The following BNC2 variants were observed in gnomAD, a reference collection of about 807,000 sequenced individuals.
BNC2 encodes zinc finger protein basonuclin-2.
A neutral mutation model predicts 76.3 loss-of-function variants in BNC2; 20 were observed. That is an observed-to-expected ratio of 0.26 (90% confidence interval 0.18 to 0.38). BNC2 has a LOEUF of 0.38. Ranked by LOEUF, BNC2 falls within the 10% of genes least tolerant of loss-of-function variation. The pLI is 1.00. For missense variants in BNC2, 1,382 were observed against 1,399.8 expected, an observed-to-expected ratio of 0.99 and a Z score of 0.20; for synonymous variants, 582 against 514.8, an observed-to-expected ratio of 1.13 and a Z score of -1.77.
At chr9:16,853,056 G>A (rs1819164790) in intron 1 of BNC2, among the ~76,000 whole-genome samples, 1 of 152,170 alleles carries the variant, frequency 6.6e-6, no homozygotes, top group Non-Finnish European at 1.5e-5. Flanking sequence ...ATCAACCTGT[G>A]GATAGTCTTC....
In BNC2 at chr9:16,838,141, T is replaced by C. The variant is rs557051955; in HGVS notation, c.3+32505A>G. ...CTTAAATAAGGCATACATAATGCGA[T>C]ATTTACACTGTACACAAGTTTCAAC... On this transcript the variant is annotated intron_variant, in intron 1 of 6. Coordinates refer to ENST00000380672, the MANE Select transcript of BNC2 (RefSeq NM_017637.6). Among the ~76,000 whole-genome samples, 57 of 152,356 alleles carry C rather than the reference T, an allele frequency of 3.7e-4. No homozygotes were observed. The South Asian group carries it at 0.012, about 32-fold the overall frequency.
intron 1 of BNC2, among the ~76,000 whole-genome samples, chr9:16,777,697 T>C (rs796793687): frequency 8.5e-4 from 83 of 97,198 alleles, no homozygotes; most frequent in African/African-American, 2.5e-3. Context: ...CAAGACTCCA[T>C]CTCAAAAAAA....
chr9:16,489,406 AT>A (rs1385102625), intron 5 of BNC2, among the ~76,000 whole-genome samples: 2 of 152,180 alleles, frequency 1.3e-5, no homozygotes, highest in African/African-American at 4.8e-5. Flanking sequence ...TTTACCTTTC[AT>A]TGAGATAAGA....
intron 3 of BNC2, among the ~76,000 whole-genome samples, chr9:16,662,769 TA>T (rs1286947472): frequency 3.9e-5 from 6 of 152,056 alleles, no homozygotes; most frequent in Admixed American, 6.6e-5. Context: ...ATATCCTACC[TA>T]AAACAGAAAA....
chr9:16,742,788 G>C (rs1824888936), intron 1 of BNC2, among the ~76,000 whole-genome samples: 1 of 152,128 alleles, frequency 6.6e-6, no homozygotes, highest in Non-Finnish European at 1.5e-5. Context: ...CCATAGTTAG[G>C]TAGCCACATA....
chr9:16,416,583 T>C lies in BNC2; in HGVS notation c.*2406A>G, dbSNP rs560258728. 5 of 152,726 alleles carry C rather than the reference T, an allele frequency of 3.3e-5. No individual in the cohort carries two copies. In the East Asian group the frequency reaches 9.6e-4, roughly 29 times the overall value. 9.5% of individuals were successfully genotyped at this position (152,726 alleles called of 1,614,324 possible). A position where few individuals can be genotyped will look rare whatever the true frequency, so the allele number is the denominator to read the frequency against. On this transcript the variant is annotated 3_prime_UTR_variant, in exon 7 of 7. Transcript: ENST00000380672. ...AGAAAACAAAAACGATTATTACTAATTCCTCAGCTTTTTACCATAAACACT... is the reference window on the plus strand; with the variant it reads ...AGAAAACAAAAACGATTATTACTAACTCCTCAGCTTTTTACCATAAACACT...
chr9:16,433,754 G>A (rs1178161857), intron 6 of BNC2, among the ~76,000 whole-genome samples: 1 of 152,116 alleles, frequency 6.6e-6, no homozygotes, highest in Non-Finnish European at 1.5e-5. Context: ...GCTGTGACTT[G>A]CAATATTTTC....
In BNC2 at chr9:16,418,873, GCACACACACACACACA is replaced by G. The variant is rs3223265; in HGVS notation, c.*100_*115del. On this transcript the variant is annotated 3_prime_UTR_variant, in exon 7 of 7. Coordinates refer to ENST00000380672, the MANE Select transcript of BNC2 (RefSeq NM_017637.6). ...ATGTAGCCACAGAGCATACATAAAT[GCACACACACACACACA>G]CACACACACACCCCAAGTACATAAG... 4 of 881,000 alleles carry G rather than the reference GCACACACACACACACA, an allele frequency of 4.5e-6. No individual in the cohort carries two copies. Among genetic ancestry groups the G allele is most frequent in the African/African-American group, 3.6e-5 (2 of 56,194 alleles). 54.6% of individuals were successfully genotyped at this position (881,000 alleles called of 1,614,324 possible).
intron 3 of BNC2, among the ~76,000 whole-genome samples, chr9:16,665,491 AG>A (rs1339417998): frequency 1.4e-5 from 2 of 138,090 alleles, no homozygotes; most frequent in Admixed American, 7.2e-5. Flanking sequence ...AGAAAGAAAG[AG>A]AGAGAGAGAA....
chr9:16,833,049 G>A (rs1360953006), intron 1 of BNC2, among the ~76,000 whole-genome samples: 2 of 151,766 alleles, frequency 1.3e-5, no homozygotes, highest in Admixed American at 6.6e-5. Context: ...TACAGTCCAG[G>A]AATCAGTCTT....
intron 3 of BNC2, chr9:16,699,172 T>C (rs1403078550): frequency 1.1e-5 from 5 of 470,606 alleles, no homozygotes; most frequent in Non-Finnish European, 2.2e-5. Flanking sequence ...AGAAAGGCTA[T>C]AAGGCTTACC....
chr9:16,868,671 A>G (rs1168294514), intron 1 of BNC2, among the ~76,000 whole-genome samples: 1 of 152,210 alleles, frequency 6.6e-6, no homozygotes, highest in African/African-American at 2.4e-5. Flanking sequence ...TGGTAAAGTG[A>G]TTAGCAATCT....
intron 5 of BNC2, among the ~76,000 whole-genome samples, chr9:16,473,516 G>A (rs1821866724): frequency 6.6e-6 from 1 of 152,216 alleles, no homozygotes; most frequent in Non-Finnish European, 1.5e-5. Flanking sequence ...ACCTTAGACA[G>A]TCACCTCACC....
At chr9:16,698,414 G>A (rs1823401995) in intron 3 of BNC2, among the ~76,000 whole-genome samples, 1 of 152,154 alleles carries the variant, frequency 6.6e-6, no homozygotes, top group South Asian at 2.1e-4. Context: ...ATGAGGGCCG[G>A]GCGCGGTGGC....
At chr9:16,470,229 C>T (rs189423521) in intron 5 of BNC2, among the ~76,000 whole-genome samples, 8 of 152,100 alleles carry the variant, frequency 5.3e-5, no homozygotes, top group Admixed American at 5.2e-4. Flanking sequence ...AATCTCCTGA[C>T]CTCATGATCC....
intron 1 of BNC2, among the ~76,000 whole-genome samples, chr9:16,756,668 CT>C (rs1419858459): frequency 2.0e-5 from 3 of 152,136 alleles, no homozygotes; most frequent in Non-Finnish European, 4.4e-5. Context: ...TCCTGAACCT[CT>C]CCCCTTGCCT....
intron 6 of BNC2, among the ~76,000 whole-genome samples, chr9:16,428,416 T>A (rs1271302441): frequency 6.6e-6 from 1 of 152,180 alleles, no homozygotes; most frequent in African/African-American, 2.4e-5. Flanking sequence ...TTATTTCCCA[T>A]CAATGTGATA....
intron 3 of BNC2, among the ~76,000 whole-genome samples, chr9:16,650,288 T>G (rs922014675): frequency 6.6e-6 from 1 of 152,212 alleles, no homozygotes; most frequent in Non-Finnish European, 1.5e-5. Flanking sequence ...CCATTCCATT[T>G]AAATTAGATG....
intron 4 of BNC2, among the ~76,000 whole-genome samples, chr9:16,576,349 C>T (rs1819484750): frequency 6.6e-6 from 1 of 152,156 alleles, no homozygotes; most frequent in East Asian, 1.9e-4. Flanking sequence ...CATGATATCA[C>T]AGAAATGTCA....
Sources: allele counts gnomAD v4.1 joint callset (sites outside exome capture counted in the v4.1 genomes callset), GRCh38; gene constraint gnomAD v4.1.1; transcripts MANE v1.5; gene names NCBI Gene and HGNC (gene_info 2026-07-23, HGNC 2026-07-21).